The following PAM variants were observed in gnomAD, a reference collection of about 807,000 sequenced individuals.
PAM encodes peptidylglycine alpha-amidating monooxygenase.
A neutral mutation model predicts 122.1 loss-of-function variants in PAM; 72 were observed. That is an observed-to-expected ratio of 0.59 (90% confidence interval 0.49 to 0.72). The LOEUF (loss-of-function observed/expected upper bound fraction) is 0.72. Among genes scored for constraint, PAM ranks in the 30% least tolerant of loss-of-function variants. The pLI is 0.00. For synonymous variants in PAM, 389 were observed against 404.4 expected, an observed-to-expected ratio of 0.96 and a Z score of 0.46; for missense variants, 1,106 against 1,183.7, an observed-to-expected ratio of 0.93 and a Z score of 0.96.
chr5:102,842,849 T>G (rs780126117), intron 1 of PAM, among the ~76,000 whole-genome samples: 7 of 152,206 alleles, frequency 4.6e-5, no homozygotes, highest in Non-Finnish European at 1.0e-4. Context: ...TGAGCCATAC[T>G]TTGAGAGAAA....
intron 12 of PAM, among the ~76,000 whole-genome samples, chr5:102,958,660 A>G (rs1454874728): frequency 6.6e-6 from 1 of 152,142 alleles, no homozygotes; most frequent in Non-Finnish European, 1.5e-5. Context: ...TGATTTCTAA[A>G]GCATAAACAG....
intron 7 of PAM, among the ~76,000 whole-genome samples, chr5:102,946,523 A>G (rs1225570491): frequency 6.7e-6 from 1 of 149,966 alleles, no homozygotes; most frequent in Admixed American, 6.7e-5. Flanking sequence ...AACAATACAG[A>G]TAATGCATAG....
chr5:102,936,986 T>C (rs1489529951), intron 7 of PAM, among the ~76,000 whole-genome samples: 2 of 152,184 alleles, frequency 1.3e-5, no homozygotes, highest in Non-Finnish European at 2.9e-5. Context: ...AAAATAAGTT[T>C]AATTAAATCT....
Position 103,029,662 on chromosome 5 carries a change from C to T in PAM, c.*597C>T, listed in dbSNP as rs944201134. ...TTTTTAGATGGTTACACTGTTAGAA[C>T]ACTATTTTCAGAATCTGAATGTAAT... On this transcript the variant is annotated 3_prime_UTR_variant, in exon 26 of 26. Coordinates refer to ENST00000438793, the MANE Select transcript of PAM (RefSeq NM_001177306.2). 8 of 152,500 alleles carry T rather than the reference C, an allele frequency of 5.2e-5. No homozygotes were observed. The highest frequency in any genetic ancestry group is 1.9e-4 in the African/African-American group (8 of 41,400). The allele number at this position is 152,500 out of a possible 1,614,324, so 9.4% of individuals were successfully genotyped here.
chr5:102,892,006 A>G (rs1463100090), intron 3 of PAM, among the ~76,000 whole-genome samples: 1 of 151,802 alleles, frequency 6.6e-6, no homozygotes, highest in African/African-American at 2.4e-5. Context: ...GACTAAGCCA[A>G]TTCTGGTCAT....
intron 3 of PAM, among the ~76,000 whole-genome samples, chr5:102,898,721 T>G (rs1169859644): frequency 6.6e-6 from 1 of 151,564 alleles, no homozygotes; most frequent in East Asian, 1.9e-4. Context: ...ATTCCCTTAT[T>G]TCTCCCATTA....
intron 14 of PAM, among the ~76,000 whole-genome samples, chr5:102,963,009 G>A (rs1762951890): frequency 6.6e-6 from 1 of 151,616 alleles, no homozygotes; most frequent in Admixed American, 6.6e-5. Flanking sequence ...TTTAACTTGA[G>A]AATAAAAAAG....
intron 15 of PAM, among the ~76,000 whole-genome samples, chr5:102,989,054 T>C (rs1178743680): frequency 6.6e-6 from 1 of 152,168 alleles, no homozygotes; most frequent in African/African-American, 2.4e-5. Context: ...AATTGCTGCT[T>C]TTCTCCTCAG....
At chr5:102,937,235 T>A (rs1175947965) in intron 7 of PAM, among the ~76,000 whole-genome samples, 2 of 152,206 alleles carry the variant, frequency 1.3e-5, no homozygotes, top group African/African-American at 4.8e-5. Context: ...TTCTTCACAC[T>A]TGATTTAGAT....
At chr5:103,005,601 C>T (rs1562217473) in intron 18 of PAM, among the ~76,000 whole-genome samples, 2 of 152,096 alleles carry the variant, frequency 1.3e-5, no homozygotes, top group Non-Finnish European at 2.9e-5. Flanking sequence ...TGGCACTAAT[C>T]CCATTCATGA....
intron 4 of PAM, among the ~76,000 whole-genome samples, chr5:102,911,974 T>A (rs183343665): frequency 6.6e-6 from 1 of 152,182 alleles, no homozygotes; most frequent in East Asian, 1.9e-4. Context: ...AATTTTTGAA[T>A]GTTTCCCAAA....
In PAM at chr5:102,977,862, T is replaced by C. The variant is rs6874914; in HGVS notation, c.1483+3426T>C. Reference sequence around the variant, plus strand: ...GTTTTCTATGTGGTCTCTATGCAAGTATAAAAAAATTCACTGGGCTTTAGT... The same window carrying C: ...GTTTTCTATGTGGTCTCTATGCAAGCATAAAAAAATTCACTGGGCTTTAGT... On this transcript the variant is annotated intron_variant, in intron 15 of 25. Coordinates refer to ENST00000438793, the MANE Select transcript of PAM (RefSeq NM_001177306.2). 4.2e-3 allele frequency among the ~76,000 whole-genome samples: 645 copies of C among 152,270 alleles called. 6 individuals are homozygous for C. The highest frequency in any genetic ancestry group is 0.014 in the African/African-American group (568 of 41,546).
At chr5:102,934,221 C>T (rs1194114850) in intron 7 of PAM, among the ~76,000 whole-genome samples, 1 of 152,178 alleles carries the variant, frequency 6.6e-6, no homozygotes, top group African/African-American at 2.4e-5. Flanking sequence ...AACTGAGTCT[C>T]TACAGTGGAA....
intron 1 of PAM, among the ~76,000 whole-genome samples, chr5:102,842,814 C>A (rs1398523995): frequency 4.6e-5 from 7 of 152,144 alleles, no homozygotes; most frequent in Non-Finnish European, 1.5e-5. Context: ...AGAATTAATG[C>A]ACAGTCTGCA....
intron 1 of PAM, among the ~76,000 whole-genome samples, chr5:102,794,788 AT>A (rs1278198241): frequency 2.0e-5 from 3 of 152,104 alleles, no homozygotes; most frequent in Non-Finnish European, 2.9e-5. Context: ...CTTTCATGAG[AT>A]TTACAAGTCC....
At chr5:102,784,877 G>A (rs1430374535) in intron 1 of PAM, among the ~76,000 whole-genome samples, 2 of 152,184 alleles carry the variant, frequency 1.3e-5, no homozygotes, top group South Asian at 2.1e-4. Flanking sequence ...CAGGTGAGTG[G>A]TCTTAAATGC....
chr5:102,974,233 C>G lies in PAM; in HGVS notation c.1280C>G (p.Ala427Gly). The G allele has an allele frequency of 6.2e-7, 1 of 1,613,868 alleles. No individual in the cohort carries two copies. The highest frequency in any genetic ancestry group is 8.5e-7 in the Non-Finnish European group (1 of 1,179,836). The change falls in exon 15 of 26, where the codon GCA (alanine) becomes GGA (glycine). Residue 427 changes from alanine (A) to glycine (G), a missense_variant. Around this residue, in one of 3 missense-constraint regions of PAM, gnomAD observed 670 missense variants for 690.3 expected, o/e 0.97. Coordinates refer to ENST00000438793, the MANE Select transcript of PAM (RefSeq NM_001177306.2). ...ESESDLVAEI[A>G]NVVQKKDLGR... ...GAGTCAGACCTGGTAGCTGAGATTG[C>G]AAATGTAGTCCAAAAAAAGGATCTT... is the stretch of plus-strand genomic sequence containing the variant.
In PAM at chr5:103,006,302, T is replaced by C. The variant is rs144202435; in HGVS notation, c.1804-499T>C. Among the ~76,000 whole-genome samples, 5 of 152,312 alleles carry C rather than the reference T, an allele frequency of 3.3e-5. No homozygotes were observed. In the East Asian group the frequency reaches 7.7e-4, roughly 23 times the overall value. ...TTTTTCTTAAACTACCTTAATCTTC[T>C]ATAAATTGAGGCTAGGCCTCTAGTA... On this transcript the variant is annotated intron_variant, in intron 18 of 25. Coordinates refer to ENST00000438793, the MANE Select transcript of PAM (RefSeq NM_001177306.2).
intron 5 of PAM, among the ~76,000 whole-genome samples, chr5:102,919,157 T>C (rs1746483926): frequency 6.6e-6 from 1 of 152,126 alleles, no homozygotes. Flanking sequence ...CTTAAATCCC[T>C]TTCAACTGCT....
Sources: gnomAD v4.1 joint callset for allele counts (sites outside exome capture counted in the v4.1 genomes callset) on GRCh38, gnomAD v4.1.1 for gene constraint, gnomAD v4.1.1 regional missense constraint, MANE v1.5 for transcripts, NCBI Gene and HGNC (gene_info 2026-07-23, HGNC 2026-07-21) for gene names.